Variants in CDH4 observed in about 807,000 individuals in gnomAD.
CDH4 encodes cadherin 4, also known as cadherin-4.
A neutral mutation model predicts 86.0 loss-of-function variants in CDH4; 33 were observed. The ratio of observed to expected loss-of-function variants is 0.38; its 90% CI spans 0.29 to 0.51. The LOEUF is 0.51. CDH4 is among the 20% of genes least tolerant of loss of function. CDH4 has a pLI of 0.86. For synonymous variants in CDH4, 555 were observed against 549.4 expected (o/e 1.01, Z -0.14); for missense variants, 1,114 against 1,307.4 (o/e 0.85, Z 2.28).
intron 2 of CDH4, among the ~76,000 whole-genome samples, chr20:61,463,957 GGAAAT>G (rs2085458924): frequency 6.6e-6 from 1 of 152,160 alleles, no homozygotes; most frequent in African/African-American, 2.4e-5. Context: ...TTGGCCCCAG[GGAAAT>G]GACAAAGGAA....
chr20:61,375,295 T>C (rs2084860790), intron 2 of CDH4, among the ~76,000 whole-genome samples: 1 of 152,190 alleles, frequency 6.6e-6, no homozygotes, highest in Admixed American at 6.5e-5. Flanking sequence ...TGTTGGGTGA[T>C]GGTAGCAGTG....
At position 61,267,318 on chromosome 20, in the gene CDH4, C is replaced by T. The variant is rs150594231; in HGVS notation, c.169+12381C>T. Among the ~76,000 whole-genome samples the T allele has an allele frequency of 7.3e-3, 1,109 of 152,250 alleles. 15 individuals are homozygous for T. Among genetic ancestry groups the T allele is most frequent in the African/African-American group, 0.026 (1,068 of 41,530 alleles). On this transcript the variant is annotated intron_variant, in intron 2 of 15. Coordinates refer to ENST00000614565, the MANE Select transcript of CDH4 (RefSeq NM_001794.5). ...CATCTCCCAGGGAATCCGATCTTTG[C>T]GAAAGCATCAGGGCTTCAGGCTTAG... is the stretch of plus-strand genomic sequence containing the variant.
chr20:61,490,702 A>C (rs750805853), intron 2 of CDH4, among the ~76,000 whole-genome samples: 2 of 152,072 alleles, frequency 1.3e-5, no homozygotes, highest in Non-Finnish European at 2.9e-5. Context: ...CCATCTCAAA[A>C]AAAAAAAGTT....
intron 2 of CDH4, among the ~76,000 whole-genome samples, chr20:61,700,468 C>T (rs2087762952): frequency 6.6e-6 from 1 of 152,108 alleles, no homozygotes; most frequent in Non-Finnish European, 1.5e-5. Flanking sequence ...TTCTTTACTC[C>T]AGCGCATGAC....
chr20:61,566,193 G>T (rs1460649382), intron 2 of CDH4, among the ~76,000 whole-genome samples: 2 of 152,320 alleles, frequency 1.3e-5, no homozygotes, highest in Non-Finnish European at 2.9e-5. Flanking sequence ...CCCTTGCCGG[G>T]CCCATGTGGC....
chr20:61,484,645 G>T (rs749684823), intron 2 of CDH4, among the ~76,000 whole-genome samples: 1 of 152,232 alleles, frequency 6.6e-6, no homozygotes, highest in Non-Finnish European at 1.5e-5. Context: ...TTTGCTGGGC[G>T]TGCAAGGCCT....
At chr20:61,932,552 C>A (rs111973296) in intron 13 of CDH4, among the ~76,000 whole-genome samples, 2 of 151,676 alleles carry the variant, frequency 1.3e-5, no homozygotes, top group African/African-American at 4.9e-5. Flanking sequence ...CTTGTGTGTG[C>A]ATCTACACAC....
chr20:61,721,847 C>T (rs1342843991), intron 2 of CDH4, among the ~76,000 whole-genome samples: 1 of 152,170 alleles, frequency 6.6e-6, no homozygotes, highest in Non-Finnish European at 1.5e-5. Context: ...GGAATCTTGA[C>T]AAATTCCTGC....
chr20:61,719,848 A>G (rs745995292), intron 2 of CDH4: 3 of 152,272 alleles, frequency 2.0e-5, no homozygotes, highest in Non-Finnish European at 4.4e-5. Context: ...TTAAATTAAG[A>G]TAAACCTTGC....
intron 2 of CDH4, among the ~76,000 whole-genome samples, chr20:61,507,661 C>G (rs2085750678): frequency 1.3e-5 from 2 of 152,178 alleles, no homozygotes; most frequent in African/African-American, 4.8e-5. Flanking sequence ...TGAGGAAAAT[C>G]TGAGCAACCG....
At chr20:61,597,330 C>T (rs1388785988) in intron 2 of CDH4, among the ~76,000 whole-genome samples, 6 of 152,232 alleles carry the variant, frequency 3.9e-5, no homozygotes, top group Non-Finnish European at 5.9e-5. Context: ...CCCCTGCGCT[C>T]CTTTTCCTTG....
chr20:61,647,222 AG>A (rs2087070535), intron 2 of CDH4, among the ~76,000 whole-genome samples: 1 of 152,160 alleles, frequency 6.6e-6, no homozygotes, highest in Non-Finnish European at 1.5e-5. Context: ...GGGTAGGATC[AG>A]GGTCTCATGC....
At chr20:61,570,632 C>A (rs1374685853) in intron 2 of CDH4, 2 of 702,128 alleles carry the variant, frequency 2.8e-6, no homozygotes, top group African/African-American at 3.5e-5. Context: ...ATGGGACAGA[C>A]AATTTTGTTT....
intron 2 of CDH4, among the ~76,000 whole-genome samples, chr20:61,345,890 T>C (rs2084676774): frequency 6.6e-6 from 1 of 152,218 alleles, no homozygotes; most frequent in African/African-American, 2.4e-5. Flanking sequence ...TAGGGTGCCC[T>C]GTCAGCTCTG....
At position 61,602,011 on chromosome 20, in the gene CDH4, C is replaced by T. The variant is rs111987779; in HGVS notation, c.170-141552C>T. 4.2e-3 allele frequency among the ~76,000 whole-genome samples: 642 copies of T among 152,322 alleles called. 6 individuals carry two copies. Among genetic ancestry groups the T allele is most frequent in the African/African-American group, 0.014 (601 of 41,584 alleles). On this transcript the variant is annotated intron_variant, in intron 2 of 15. Coordinates refer to ENST00000614565, the MANE Select transcript of CDH4 (RefSeq NM_001794.5). ...TGCCGCCCAGAGCCAAGCTGCAGGA[C>T]GCCAAGGTAGGGGCTGGCAAAGCGT...
rs1029627876 is a variant in CDH4 at position 61,663,609 on chromosome 20, G to GGT, written c.170-79945_170-79944dup. 5.3e-5 allele frequency among the ~76,000 whole-genome samples: 8 copies of GGT among 152,224 alleles called. No homozygotes were observed. Among genetic ancestry groups the GGT allele is most frequent in the African/African-American group, 1.9e-4 (8 of 41,538 alleles). On this transcript the variant is annotated intron_variant, in intron 2 of 15. Coordinates refer to ENST00000614565, the MANE Select transcript of CDH4 (RefSeq NM_001794.5). The surrounding 1 kb of genome is among the most constrained non-coding windows in gnomAD (Gnocchi z 5.0). ...GGGAGCTGCTGGGACGGCAGGACCG[G>GGT]GTGTGTGTGTCCAAGAGACCATCTT...
At chr20:61,715,412 C>T (rs1403045788) in intron 2 of CDH4, among the ~76,000 whole-genome samples, 2 of 152,128 alleles carry the variant, frequency 1.3e-5, no homozygotes, top group African/African-American at 4.8e-5. Flanking sequence ...AAGGCCATGG[C>T]TTTGGCACCT....
intron 3 of CDH4, among the ~76,000 whole-genome samples, chr20:61,745,723 T>C (rs935233602): frequency 1.3e-5 from 2 of 151,858 alleles, no homozygotes; most frequent in African/African-American, 4.8e-5. Context: ...CTCCCTGAGC[T>C]GTGCCGGGAC....
intron 4 of CDH4, among the ~76,000 whole-genome samples, chr20:61,823,040 TA>T: frequency 6.6e-6 from 1 of 152,176 alleles, no homozygotes. Context: ...TGGAGGCTGG[TA>T]AGTCCTAAGA....
Sources: gnomAD v4.1 joint callset for allele counts (sites outside exome capture counted in the v4.1 genomes callset) on GRCh38, gnomAD v4.1.1 for gene constraint, Gnocchi (gnomAD v3.1) non-coding constraint, MANE v1.5 for transcripts, NCBI Gene and HGNC (gene_info 2026-07-23, HGNC 2026-07-21) for gene names.